MYT1L: variants seen among roughly 807,000 people sequenced by gnomAD.
MYT1L encodes myelin transcription factor 1 like, also known as myelin transcription factor 1-like protein.
Under a neutral mutation model 126.7 loss-of-function variants are expected in MYT1L, and 12 were observed. That is an observed-to-expected ratio of 0.09 (90% CI 0.06 to 0.15). The LOEUF is 0.15. Ranked by LOEUF, MYT1L falls within the 10% of genes least tolerant of loss-of-function variation. MYT1L has a pLI of 1.00. For missense variants in MYT1L, 979 were observed against 1,585.2 expected, an observed-to-expected ratio of 0.62 and a Z score of 6.49; for synonymous variants, 541 against 604.2, an observed-to-expected ratio of 0.90 and a Z score of 1.53.
chr2:2,329,468 T>TTAG (rs142653945), intron 1 of MYT1L, among the ~76,000 whole-genome samples: 3 of 151,960 alleles, frequency 2.0e-5, no homozygotes, highest in South Asian at 2.1e-4. Flanking sequence ...TTACTGATTC[T>TTAG]TATAGTCCTC....
intron 5 of MYT1L, among the ~76,000 whole-genome samples, chr2:1,996,762 G>A (rs1198237479): frequency 1.4e-5 from 2 of 138,628 alleles, no homozygotes; most frequent in Non-Finnish European, 3.1e-5. Flanking sequence ...GCACAGAACC[G>A]AGTGTAGACG....
intron 4 of MYT1L, among the ~76,000 whole-genome samples, chr2:2,014,284 C>A (rs1447366165): frequency 6.6e-6 from 1 of 151,828 alleles, no homozygotes; most frequent in African/African-American, 2.4e-5. Flanking sequence ...AATAACCAGC[C>A]CTTGTCCTTG....
chr2:1,949,973 T>C (rs959934055), intron 8 of MYT1L, among the ~76,000 whole-genome samples: 1 of 152,248 alleles, frequency 6.6e-6, no homozygotes, highest in African/African-American at 2.4e-5. Context: ...AATATAATTC[T>C]GGAGCACCGG....
chr2:2,066,827 T>C (rs868457393), intron 3 of MYT1L, among the ~76,000 whole-genome samples: 2 of 152,236 alleles, frequency 1.3e-5, no homozygotes, highest in East Asian at 1.9e-4. Context: ...GTCAGTGTCA[T>C]TGCAGAGGAG....
intron 8 of MYT1L, among the ~76,000 whole-genome samples, chr2:1,954,977 A>G (rs914464136): frequency 2.0e-5 from 3 of 151,678 alleles, no homozygotes; most frequent in African/African-American, 4.8e-5. Flanking sequence ...AAGAAAGAAA[A>G]GAAAGAAAGA....
At chr2:2,033,780 G>T (rs1048645505) in intron 4 of MYT1L, among the ~76,000 whole-genome samples, 1 of 152,144 alleles carries the variant, frequency 6.6e-6, no homozygotes, top group Non-Finnish European at 1.5e-5. Context: ...GAAGGACATG[G>T]TGCCTGGAGC....
chr2:2,137,549 A>T (rs953562318), intron 3 of MYT1L, among the ~76,000 whole-genome samples: 2 of 152,196 alleles, frequency 1.3e-5, no homozygotes, highest in Non-Finnish European at 2.9e-5. Context: ...ATCTACAACT[A>T]TCTGATCTTT....
intron 23 of MYT1L, among the ~76,000 whole-genome samples, chr2:1,800,867 C>T (rs564005624): frequency 6.6e-6 from 1 of 152,174 alleles, no homozygotes; most frequent in African/African-American, 2.4e-5. Flanking sequence ...AACCTCATCA[C>T]ACCGTGGCCT....
intron 3 of MYT1L, among the ~76,000 whole-genome samples, chr2:2,094,912 A>C (rs1398007336): frequency 6.6e-6 from 1 of 152,206 alleles, no homozygotes; most frequent in Non-Finnish European, 1.5e-5. Flanking sequence ...CCTAGAACTT[A>C]AAGTATATAA....
chr2:2,325,486 G>GT (rs1487451050), intron 1 of MYT1L: 2 of 152,114 alleles, frequency 1.3e-5, no homozygotes, highest in African/African-American at 4.8e-5. Flanking sequence ...TCCTAATATG[G>GT]TTTTTAAAAT....
At chr2:1,932,901 T>A (rs1377667114) in intron 9 of MYT1L, among the ~76,000 whole-genome samples, 3 of 152,116 alleles carry the variant, frequency 2.0e-5, no homozygotes, top group Non-Finnish European at 2.9e-5. Context: ...GACACAACCC[T>A]GGATGCCTTC....
At chr2:2,289,671 A>AC (rs1350512829) in intron 1 of MYT1L, among the ~76,000 whole-genome samples, 1 of 152,198 alleles carries the variant, frequency 6.6e-6, no homozygotes, top group East Asian at 1.9e-4. Context: ...CCTCACTGGT[A>AC]CCACCCATGG....
chr2:1,795,027 C>T (rs1466455103), intron 23 of MYT1L, among the ~76,000 whole-genome samples: 8 of 152,194 alleles, frequency 5.3e-5, no homozygotes, highest in South Asian at 2.1e-4. Flanking sequence ...GTGCATCCCC[C>T]GTGGCCCCTG....
chr2:2,179,536 C>T (rs2148616781), intron 2 of MYT1L, among the ~76,000 whole-genome samples: 1 of 152,296 alleles, frequency 6.6e-6, no homozygotes, highest in Middle Eastern at 3.4e-3. Flanking sequence ...ATGACAACAC[C>T]TTACACGTGT....
chr2:2,098,865 A>G (rs2077730158), intron 3 of MYT1L, among the ~76,000 whole-genome samples: 1 of 152,188 alleles, frequency 6.6e-6, no homozygotes. Flanking sequence ...TGGAGCTTCT[A>G]AAGATAGGTG....
chr2:1,977,887 T>C (rs184908238), intron 8 of MYT1L, among the ~76,000 whole-genome samples: 17 of 152,336 alleles, frequency 1.1e-4, no homozygotes, highest in South Asian at 4.1e-4. Flanking sequence ...AAAATAATAC[T>C]TTAAGTAAAC....
chr2:2,205,901 A>C (rs1416015926), intron 2 of MYT1L, among the ~76,000 whole-genome samples: 1 of 152,124 alleles, frequency 6.6e-6, no homozygotes, highest in African/African-American at 2.4e-5. Flanking sequence ...GTTCTCACAT[A>C]ACGTTTTACA....
chr2:2,220,243 A>G (rs1169837897), intron 2 of MYT1L, among the ~76,000 whole-genome samples: 1 of 152,204 alleles, frequency 6.6e-6, no homozygotes, highest in Non-Finnish European at 1.5e-5. Flanking sequence ...TATACATTTT[A>G]GGAAGACATG....
At position 2,237,587 on chromosome 2, in the gene MYT1L, T is replaced by C. The variant is rs184752222; in HGVS notation, c.-421+46817A>G. Among the ~76,000 whole-genome samples, 10 of 152,286 alleles carry C rather than the reference T, an allele frequency of 6.6e-5. No individual in the cohort carries two copies. In the East Asian group the frequency reaches 1.9e-3, roughly 29 times the overall value. On this transcript the variant is annotated intron_variant, in intron 2 of 24. Coordinates refer to ENST00000647738, the MANE Select transcript of MYT1L (RefSeq NM_001303052.2). ...AGACTTTCCTCTCATGGCCTCTTTA[T>C]CCAAAATCCCACAGAACCTCAGTGA...
Sources: allele counts gnomAD v4.1 joint callset (sites outside exome capture counted in the v4.1 genomes callset), GRCh38; gene constraint gnomAD v4.1.1; transcripts MANE v1.5; gene names NCBI Gene and HGNC (gene_info 2026-07-23, HGNC 2026-07-21).